AASDH: variants seen among roughly 807,000 people sequenced by gnomAD.
The protein encoded by AASDH is aminoadipate-semialdehyde dehydrogenase.
A neutral mutation model predicts 102.3 loss-of-function variants in AASDH; 81 were observed. The ratio of observed to expected loss-of-function variants is 0.79; its 90% CI spans 0.66 to 0.95. The LOEUF (loss-of-function observed/expected upper bound fraction) is 0.95. AASDH is among the 40% of genes least tolerant of loss of function. AASDH has a pLI of 0.00. For synonymous variants in AASDH, 398 were observed against 454.0 expected (o/e 0.88, Z 1.57); for missense variants, 1,203 against 1,266.2 (o/e 0.95, Z 0.76).
intron 3 of AASDH, among the ~76,000 whole-genome samples, chr4:56,379,639 T>C (rs749079004): frequency 1.3e-4 from 20 of 152,230 alleles, no homozygotes; most frequent in Non-Finnish European, 2.2e-4. Flanking sequence ...CAAGCAATTA[T>C]AATGCAATGC....
chr4:56,386,602 G>A (rs981032336), intron 1 of AASDH, among the ~76,000 whole-genome samples: 1 of 150,470 alleles, frequency 6.6e-6, no homozygotes, highest in South Asian at 2.1e-4. Flanking sequence ...GACCATCCTG[G>A]CTAACAAGGT....
intron 5 of AASDH, among the ~76,000 whole-genome samples, chr4:56,355,681 T>C (rs1245415208): frequency 1.3e-5 from 2 of 148,816 alleles, no homozygotes; most frequent in Non-Finnish European, 3.0e-5. Context: ...TGCAATAGCA[T>C]GACCATGGCT....
At chr4:56,341,617 G>A (rs961948209) in intron 14 of AASDH, among the ~76,000 whole-genome samples, 3 of 147,490 alleles carry the variant, frequency 2.0e-5, no homozygotes, top group Non-Finnish European at 3.0e-5. Flanking sequence ...TGGCCAGGAT[G>A]GTCTCGATCT....
At chr4:56,383,109 T>A (rs13109030) in intron 2 of AASDH, among the ~76,000 whole-genome samples, 54,574 of 152,114 alleles carry the variant, frequency 0.36, 10,304 homozygotes, top group Non-Finnish European at 0.43. Context: ...TTAATGAAAA[T>A]CCTGAGTATT....
At chr4:56,338,840 A>T in intron 14 of AASDH, 49 bp from the exon 15 acceptor site, 3 of 1,539,046 alleles carry the variant, frequency 1.9e-6, no homozygotes, top group Non-Finnish European at 2.6e-6. Flanking sequence ...TAATTGCTCC[A>T]ATTCTCCCTT....
intron 5 of AASDH, among the ~76,000 whole-genome samples, chr4:56,363,694 A>C (rs996910583): frequency 6.6e-6 from 1 of 152,210 alleles, no homozygotes; most frequent in African/African-American, 2.4e-5. Context: ...ACAAACAGAA[A>C]GGACATCCAC....
intron 14 of AASDH, among the ~76,000 whole-genome samples, chr4:56,340,153 A>C (rs1348709976): frequency 6.6e-6 from 1 of 152,214 alleles, no homozygotes; most frequent in Non-Finnish European, 1.5e-5. Context: ...TGGGCAACAG[A>C]ACAAGATTCC....
chr4:56,340,147 C>T (rs553524550), intron 14 of AASDH, among the ~76,000 whole-genome samples: 1 of 152,096 alleles, frequency 6.6e-6, no homozygotes, highest in East Asian at 1.9e-4. Flanking sequence ...CCAGCCTGGG[C>T]AACAGAACAA....
chr4:56,344,473 T>C (rs1748088508), intron 12 of AASDH, among the ~76,000 whole-genome samples: 1 of 152,186 alleles, frequency 6.6e-6, no homozygotes, highest in Admixed American at 6.5e-5. Context: ...TTTATTTTTC[T>C]ATCTGCTCTA....
At chr4:56,341,009 A>G (rs1747603240) in intron 14 of AASDH, among the ~76,000 whole-genome samples, 1 of 152,200 alleles carries the variant, frequency 6.6e-6, no homozygotes, top group Non-Finnish European at 1.5e-5. Flanking sequence ...CTAAAAGAAC[A>G]TAACAAATGC....
At chr4:56,341,389 C>CTTTTTTTTTTTTTTTTTTT (rs575687659) in intron 14 of AASDH, among the ~76,000 whole-genome samples, 13 of 92,404 alleles carry the variant, frequency 1.4e-4, no homozygotes, top group African/African-American at 4.8e-4. Flanking sequence ...AGACTTTTAT[C>CTTTTTTTTTTTTTTTTTTT]TTTTTTTTTT....
At chr4:56,340,735 G>T (rs1023324716) in intron 14 of AASDH, among the ~76,000 whole-genome samples, 1 of 152,154 alleles carries the variant, frequency 6.6e-6, no homozygotes, top group African/African-American at 2.4e-5. Flanking sequence ...AGAGTGAAGA[G>T]ACAGCCTGTT....
In AASDH at chr4:56,349,625, T is replaced by C; in HGVS notation, c.2126A>G (p.Asp709Gly). ...TTGAATGTTGGTCTGTGAAACTGAG[T>C]CAGAAGGACAGGCTGAAGAGCAATG... ...LGHCSSACPS[D>G]SVSQTNIQNL... The change falls in exon 11 of 15, where the codon GAC (aspartate) becomes GGC (glycine). Residue 709 changes from aspartate (D) to glycine (G), a missense_variant. Physicochemically the swap from Asp to Gly is moderately conservative, Grantham distance 94. Transcript: ENST00000205214. 1 of 1,614,142 alleles carries C rather than the reference T, an allele frequency of 6.2e-7. No individual in the cohort carries two copies. The highest frequency in any genetic ancestry group is 1.1e-5 in the South Asian group (1 of 91,080).
chr4:56,358,176 A>C (rs995616084), intron 5 of AASDH, among the ~76,000 whole-genome samples: 1 of 151,918 alleles, frequency 6.6e-6, no homozygotes, highest in Admixed American at 6.6e-5. Flanking sequence ...AATACAATTG[A>C]TTTTTGTATA....
At chr4:56,374,801 G>C (rs184231857) in intron 4 of AASDH, among the ~76,000 whole-genome samples, 1 of 152,248 alleles carries the variant, frequency 6.6e-6, no homozygotes, top group Non-Finnish European at 1.5e-5. Flanking sequence ...AGATGGTAGA[G>C]GAAAAGCTCT....
chr4:56,383,610 T>C (rs922778048), intron 2 of AASDH, among the ~76,000 whole-genome samples: 10 of 152,220 alleles, frequency 6.6e-5, no homozygotes, highest in Non-Finnish European at 1.0e-4. Context: ...TTTGTTGGAA[T>C]AGTGTCTTCT....
At chr4:56,364,205 A>G (rs1318393016) in intron 5 of AASDH, among the ~76,000 whole-genome samples, 1 of 152,234 alleles carries the variant, frequency 6.6e-6, no homozygotes, top group Non-Finnish European at 1.5e-5. Context: ...CCTCCAAGAA[A>G]TATGCGACTA....
intron 11 of AASDH, chr4:56,349,019 A>T (rs1259647015): frequency 3.9e-6 from 2 of 512,278 alleles, no homozygotes; most frequent in Non-Finnish European, 6.8e-6. Flanking sequence ...AGGAAAGTGA[A>T]ATTCTAAGAG....
chr4:56,338,559 A>ACTT lies in AASDH; in HGVS notation c.3137_3139dup (p.Lys1046_Val1047insGlu). 6.2e-7 allele frequency: 1 copy of ACTT among 1,614,056 alleles called. No homozygotes were observed. The highest frequency in any genetic ancestry group is 8.5e-7 in the Non-Finnish European group (1 of 1,180,014). ...TCCACTCTGAGATTCCAAGATCCAC[A>ACTT]CTTTCCCATCAGTAGATGCTGCTGC... On this transcript the variant is annotated inframe_insertion, in exon 15 of 15. Transcript: ENST00000205214.
Sources: gnomAD v4.1 joint callset for allele counts (sites outside exome capture counted in the v4.1 genomes callset) on GRCh38, gnomAD v4.1.1 for gene constraint, MANE v1.5 for transcripts, NCBI Gene and HGNC (gene_info 2026-07-23, HGNC 2026-07-21) for gene names.